NKAIN3: variants seen among roughly 807,000 people sequenced by gnomAD.
NKAIN3 encodes the protein sodium/potassium transporting ATPase interacting 3.
Under a neutral mutation model 30.2 loss-of-function variants are expected in NKAIN3, and 25 were observed. That is an observed-to-expected ratio of 0.83 (90% CI 0.60 to 1.16). The LOEUF is 1.16. NKAIN3 is among the 50% of genes most tolerant of loss of function. The pLI, the probability that NKAIN3 is intolerant of heterozygous loss-of-function variation, is 0.00. For missense variants in NKAIN3, 225 were observed against 254.1 expected, an observed-to-expected ratio of 0.89 and a Z score of 0.78; for synonymous variants, 91 against 89.6, an observed-to-expected ratio of 1.02 and a Z score of -0.09.
At chr8:62,684,268 A>G (rs1813730368) in intron 3 of NKAIN3, among the ~76,000 whole-genome samples, 1 of 152,182 alleles carries the variant, frequency 6.6e-6, no homozygotes, top group Non-Finnish European at 1.5e-5. Context: ...TCTGGTGTCA[A>G]TGCAGATGTC....
intron 3 of NKAIN3, among the ~76,000 whole-genome samples, chr8:62,668,264 T>C (rs1459019269): frequency 1.3e-5 from 2 of 152,202 alleles, no homozygotes; most frequent in Admixed American, 6.5e-5. Context: ...GCATGGACTT[T>C]GCTTTGCATC....
At chr8:62,792,848 G>A (rs1460216204) in intron 4 of NKAIN3, among the ~76,000 whole-genome samples, 1 of 152,122 alleles carries the variant, frequency 6.6e-6, no homozygotes. Context: ...AGTACATTCA[G>A]GTGAGTGAAA....
At chr8:62,992,054 T>C (rs1585650944) in intron 5 of NKAIN3, among the ~76,000 whole-genome samples, 1 of 151,910 alleles carries the variant, frequency 6.6e-6, no homozygotes, top group East Asian at 1.9e-4. Context: ...AGTCTCGCTT[T>C]GTCGTCCAGG....
At position 62,584,854 on chromosome 8, in the gene NKAIN3, G is replaced by A. The variant is rs984978181; in HGVS notation, c.193-4860G>A. 4.6e-5 allele frequency among the ~76,000 whole-genome samples: 7 copies of A among 152,240 alleles called. No individual in the cohort carries two copies. The South Asian group carries it at 1.0e-3, about 23-fold the overall frequency. ...CCTACCCGGCTGTCATCATTGCTTC[G>A]CTACCTGTCTTGCCCCATTCAACAA... is the stretch of plus-strand genomic sequence containing the variant. On this transcript the variant is annotated intron_variant, in intron 2 of 6. Transcript: ENST00000623646.
rs189386683 is a variant in NKAIN3 at position 62,312,297 on chromosome 8, C to T, written c.54+63170C>T. 4.0e-5 allele frequency among the ~76,000 whole-genome samples: 6 copies of T among 150,570 alleles called. No homozygotes were observed. The East Asian group carries it at 1.2e-3, about 29-fold the overall frequency. ...ATGGAAATAACACCTTTTGTGACTGCTTATTCTTTTGGATGTCAGTCACAT... is the reference window on the plus strand; with the variant it reads ...ATGGAAATAACACCTTTTGTGACTGTTTATTCTTTTGGATGTCAGTCACAT... On this transcript the variant is annotated intron_variant, in intron 1 of 6. Coordinates refer to ENST00000623646, the MANE Select transcript of NKAIN3 (RefSeq NM_001304533.3).
intron 3 of NKAIN3, among the ~76,000 whole-genome samples, chr8:62,715,083 G>A (rs917415378): frequency 6.6e-6 from 1 of 152,100 alleles, no homozygotes; most frequent in African/African-American, 2.4e-5. Flanking sequence ...TCAAATGGCA[G>A]CAGAGGAGAG....
chr8:62,569,414 A>C (rs1288951704), intron 1 of NKAIN3, among the ~76,000 whole-genome samples: 3 of 152,148 alleles, frequency 2.0e-5, no homozygotes, highest in Non-Finnish European at 4.4e-5. Context: ...AGTTGAATAG[A>C]TAGGAGAGTT....
At chr8:62,942,514 T>TA (rs756452243) in intron 5 of NKAIN3, among the ~76,000 whole-genome samples, 1,462 of 112,852 alleles carry the variant, frequency 0.013, 12 homozygotes, top group South Asian at 0.045. Flanking sequence ...TTCACAGAAC[T>TA]AAAAAAAAAA....
At position 62,796,255 on chromosome 8, in the gene NKAIN3, A is replaced by G. The variant is rs997078759; in HGVS notation, c.471+49126A>G. Among the ~76,000 whole-genome samples, 3 of 151,716 alleles carry G rather than the reference A, an allele frequency of 2.0e-5. No homozygotes were observed. The East Asian group carries it at 5.8e-4, about 30-fold the overall frequency. On this transcript the variant is annotated intron_variant, in intron 4 of 6. Transcript: ENST00000623646. The stretch of plus-strand genomic sequence containing the variant: ...AAACAATAGCTGGGCATGGTGGTGC[A>G]TGCCTGTAATCCCAGCTACTCCAGA...
At chr8:62,821,028 T>A (rs1254542316) in intron 4 of NKAIN3, among the ~76,000 whole-genome samples, 1 of 152,176 alleles carries the variant, frequency 6.6e-6, no homozygotes, top group Non-Finnish European at 1.5e-5. Context: ...GTGAGACAGT[T>A]GCAAAATTCA....
intron 4 of NKAIN3, among the ~76,000 whole-genome samples, chr8:62,897,666 G>A (rs959131424): frequency 1.3e-5 from 2 of 152,148 alleles, no homozygotes; most frequent in African/African-American, 4.8e-5. Context: ...AATACTGGGA[G>A]GTGACTCCCA....
chr8:62,337,553 A>G (rs1241479838), intron 1 of NKAIN3, among the ~76,000 whole-genome samples: 1 of 126,532 alleles, frequency 7.9e-6, no homozygotes, highest in Non-Finnish European at 1.7e-5. Context: ...GTTTCTGTCT[A>G]TTTTACTGTC....
chr8:62,869,242 C>T (rs771995080), intron 4 of NKAIN3, among the ~76,000 whole-genome samples: 1 of 152,268 alleles, frequency 6.6e-6, no homozygotes. Flanking sequence ...TTTGCTGCAC[C>T]TATCAACCCG....
chr8:62,518,086 C>T (rs1808048367), intron 1 of NKAIN3, among the ~76,000 whole-genome samples: 1 of 152,114 alleles, frequency 6.6e-6, no homozygotes, highest in Admixed American at 6.6e-5. Context: ...TTGGGCCAGG[C>T]ACAGTGGCTC....
chr8:62,428,399 G>GT (rs1299548422), intron 1 of NKAIN3, among the ~76,000 whole-genome samples: 1 of 151,894 alleles, frequency 6.6e-6, no homozygotes, highest in African/African-American at 2.4e-5. Flanking sequence ...TCTACTTTTA[G>GT]TTTTTTGAAA....
chr8:62,787,728 G>A (rs931707788), intron 4 of NKAIN3, among the ~76,000 whole-genome samples: 2 of 151,786 alleles, frequency 1.3e-5, no homozygotes, highest in African/African-American at 2.4e-5. Flanking sequence ...CCCTTCCTGT[G>A]TCCATGTGTT....
rs1054149507 is a variant in NKAIN3, at chr8:62,813,589, A to G, written c.471+66460A>G. ...TTACATCCACAGTTGTTTTTAATAGATGAGGACTTCCTTCTATTACTTTGT... is the reference window on the plus strand; with the variant it reads ...TTACATCCACAGTTGTTTTTAATAGGTGAGGACTTCCTTCTATTACTTTGT... On this transcript the variant is annotated intron_variant, in intron 4 of 6. Coordinates refer to ENST00000623646, the MANE Select transcript of NKAIN3 (RefSeq NM_001304533.3). Among the ~76,000 whole-genome samples, 4 of 151,292 alleles carry G rather than the reference A, an allele frequency of 2.6e-5. No individual in the cohort carries two copies. The South Asian group carries it at 8.3e-4, about 32-fold the overall frequency.
chr8:62,800,350 A>G (rs1348421234), intron 4 of NKAIN3, among the ~76,000 whole-genome samples: 1 of 152,192 alleles, frequency 6.6e-6, no homozygotes, highest in Non-Finnish European at 1.5e-5. Context: ...TCTGCAAAGC[A>G]TTGTTTGTGA....
At position 62,656,029 on chromosome 8, in the gene NKAIN3, C is replaced by T. The variant is rs572817165; in HGVS notation, c.273+66235C>T. On this transcript the variant is annotated intron_variant, in intron 3 of 6. Coordinates refer to ENST00000623646, the MANE Select transcript of NKAIN3 (RefSeq NM_001304533.3). The stretch of plus-strand genomic sequence containing the variant: ...ATCATCTCTGGCCAAACCTCATGTC[C>T]TTATCCCCCACAAAGACCAGAGTGA... Among the ~76,000 whole-genome samples the T allele has an allele frequency of 7.2e-4, 109 of 152,112 alleles. 1 individual carries two copies. The highest frequency in any genetic ancestry group is 2.6e-3 in the African/African-American group (107 of 41,494).
Sources: gnomAD v4.1 joint callset for allele counts (sites outside exome capture counted in the v4.1 genomes callset) on GRCh38, gnomAD v4.1.1 for gene constraint, MANE v1.5 for transcripts, NCBI Gene and HGNC (gene_info 2026-07-23, HGNC 2026-07-21) for gene names.